IMMP2L: variants seen among roughly 807,000 people sequenced by gnomAD.
The protein encoded by IMMP2L is inner mitochondrial membrane peptidase subunit 2.
IMMP2L carries 18 observed loss-of-function variants against 19.3 expected under a neutral mutation model. That is an observed-to-expected ratio of 0.93 (90% CI 0.64 to 1.38). The LOEUF is 1.38. Among genes scored for constraint, IMMP2L ranks in the 40% most tolerant of loss-of-function variants. IMMP2L has a pLI of 0.00. For synonymous variants in IMMP2L, 76 were observed against 73.0 expected (o/e 1.04, Z -0.21); for missense variants, 233 against 218.2 (o/e 1.07, Z -0.43).
chr7:111,475,847 T>C (rs940080584), intron 3 of IMMP2L, among the ~76,000 whole-genome samples: 1 of 152,146 alleles, frequency 6.6e-6, no homozygotes, highest in African/African-American at 2.4e-5. Context: ...TATAAGTATA[T>C]ATTCATTTGA....
chr7:111,095,000 G>A (rs191807127), intron 3 of IMMP2L, among the ~76,000 whole-genome samples: 2 of 152,110 alleles, frequency 1.3e-5, no homozygotes, highest in East Asian at 3.9e-4. Flanking sequence ...AGTACCTACA[G>A]GGCCATTTAC....
At chr7:111,452,048 A>G (rs567243723) in intron 3 of IMMP2L, among the ~76,000 whole-genome samples, 131 of 152,188 alleles carry the variant, frequency 8.6e-4, no homozygotes, top group Admixed American at 3.3e-3. Context: ...TGTAGTATCT[A>G]TTGGAGACAT....
At chr7:110,788,201 T>C (rs1800219304) in intron 5 of IMMP2L, among the ~76,000 whole-genome samples, 1 of 152,026 alleles carries the variant, frequency 6.6e-6, no homozygotes. Context: ...TCGAAATAGA[T>C]GTTCACACTC....
intron 3 of IMMP2L, among the ~76,000 whole-genome samples, chr7:111,087,528 A>G (rs984523446): frequency 6.6e-5 from 10 of 151,990 alleles, no homozygotes; most frequent in Non-Finnish European, 1.3e-4. Flanking sequence ...TTATATATCA[A>G]TCCCAATTTG....
At chr7:111,370,548 T>C (rs914777043) in intron 3 of IMMP2L, among the ~76,000 whole-genome samples, 11 of 152,116 alleles carry the variant, frequency 7.2e-5, no homozygotes, top group Admixed American at 1.3e-4. Flanking sequence ...GCAGTTGACA[T>C]AGACGTTAAA....
intron 5 of IMMP2L, among the ~76,000 whole-genome samples, chr7:110,817,235 CCTT>C (rs2079876640): frequency 6.6e-6 from 1 of 152,054 alleles, no homozygotes; most frequent in African/African-American, 2.4e-5. Flanking sequence ...CCCAAAATCT[CCTT>C]AAGCTGATAA....
intron 3 of IMMP2L, among the ~76,000 whole-genome samples, chr7:111,114,047 A>T (rs1457155575): frequency 1.3e-5 from 2 of 152,130 alleles, no homozygotes; most frequent in African/African-American, 4.8e-5. Flanking sequence ...ACAAAATGGG[A>T]AATTTTAATG....
chr7:110,885,864 G>C (rs1010674909), intron 5 of IMMP2L, among the ~76,000 whole-genome samples: 1 of 151,978 alleles, frequency 6.6e-6, no homozygotes, highest in African/African-American at 2.4e-5. Flanking sequence ...TCATGGCAGG[G>C]GGCGCAGAGG....
intron 3 of IMMP2L, among the ~76,000 whole-genome samples, chr7:111,336,166 C>G (rs902498611): frequency 2.0e-5 from 3 of 151,772 alleles, no homozygotes; most frequent in Admixed American, 1.3e-4. Context: ...CCTGCCTCAG[C>G]CCCCCAACTA....
chr7:111,027,867 G>C (rs187469797), intron 3 of IMMP2L, among the ~76,000 whole-genome samples: 88 of 152,110 alleles, frequency 5.8e-4, no homozygotes, highest in Middle Eastern at 3.4e-3. Context: ...TAAATTCACA[G>C]ACTAAAGCGG....
intron 3 of IMMP2L, among the ~76,000 whole-genome samples, chr7:111,092,216 GC>G (rs1315193855): frequency 6.6e-6 from 1 of 152,218 alleles, no homozygotes. Flanking sequence ...GATTGCTAAT[GC>G]AGCTGGAACT....
At chr7:111,291,994 C>T (rs1821161178) in intron 3 of IMMP2L, among the ~76,000 whole-genome samples, 1 of 152,176 alleles carries the variant, frequency 6.6e-6, no homozygotes, top group African/African-American at 2.4e-5. Context: ...GTGATTTAAG[C>T]TCTTTCTTGC....
chr7:111,440,343 C>A (rs1673440343), intron 3 of IMMP2L, among the ~76,000 whole-genome samples: 2 of 151,944 alleles, frequency 1.3e-5, no homozygotes, highest in South Asian at 4.1e-4. Flanking sequence ...AGTAATAAGA[C>A]TAGAAAGCCA....
chr7:110,801,779 G>A (rs1801261196), intron 5 of IMMP2L, among the ~76,000 whole-genome samples: 1 of 152,074 alleles, frequency 6.6e-6, no homozygotes, highest in African/African-American at 2.4e-5. Context: ...AATTCCCACT[G>A]CTGGCACAAC....
chr7:111,070,442 CT>C (rs1794855957), intron 3 of IMMP2L, among the ~76,000 whole-genome samples: 1 of 150,022 alleles, frequency 6.7e-6, no homozygotes, highest in Non-Finnish European at 1.5e-5. Context: ...AAGACAACAG[CT>C]AGAAAAAACT....
intron 3 of IMMP2L, among the ~76,000 whole-genome samples, chr7:110,987,291 G>A (rs1330660319): frequency 1.3e-5 from 2 of 152,144 alleles, no homozygotes; most frequent in African/African-American, 2.4e-5. Flanking sequence ...ACTCTTGACA[G>A]GGGAAAGGGT....
chr7:111,222,448 T>C (rs555438168), intron 3 of IMMP2L, among the ~76,000 whole-genome samples: 13 of 151,586 alleles, frequency 8.6e-5, no homozygotes, highest in East Asian at 7.8e-4. Context: ...ATCCAGAATA[T>C]AAAAGGACAC....
intron 3 of IMMP2L, among the ~76,000 whole-genome samples, chr7:111,309,839 T>G (rs1034808616): frequency 6.6e-6 from 1 of 152,192 alleles, no homozygotes; most frequent in Non-Finnish European, 1.5e-5. Flanking sequence ...CCATTACTAT[T>G]ACTATTCATG....
chr7:111,114,431 T>C (rs1799603308), intron 3 of IMMP2L, among the ~76,000 whole-genome samples: 1 of 152,094 alleles, frequency 6.6e-6, no homozygotes, highest in African/African-American at 2.4e-5. Context: ...GTACATTGTA[T>C]TAAGTTTGCA....
Sources: allele counts gnomAD v4.1 joint callset (sites outside exome capture counted in the v4.1 genomes callset), GRCh38; gene constraint gnomAD v4.1.1; transcripts MANE v1.5; gene names NCBI Gene and HGNC (gene_info 2026-07-23, HGNC 2026-07-21).